CSMD1: variants seen among roughly 807,000 people sequenced by gnomAD.
CSMD1 encodes CUB and Sushi multiple domains 1, also known as CUB and sushi domain-containing protein 1.
A neutral mutation model predicts 417.5 loss-of-function variants in CSMD1; 213 were observed. That is an observed-to-expected ratio of 0.51 (90% CI 0.46 to 0.57). The LOEUF is 0.57. Ranked by LOEUF, CSMD1 falls within the 20% of genes least tolerant of loss-of-function variation. The pLI, the probability that CSMD1 is intolerant of heterozygous loss-of-function variation, is 0.00. For synonymous variants in CSMD1, 2,862 were observed against 1,736.8 expected (o/e 1.65, Z -16.11); for missense variants, 6,923 against 4,529.7 (o/e 1.53, Z -15.17).
At position 4,474,341 on chromosome 8, in the gene CSMD1, A is replaced by G. The variant is rs77072876; in HGVS notation, c.303-54276T>C. On this transcript the variant is annotated intron_variant, in intron 2 of 69. Transcript: ENST00000635120. ...AACATACCACTCAGACATTATAAGGAAGATTTTATGCTGGTGTTGTCTAAC... is the reference window on the plus strand; with the variant it reads ...AACATACCACTCAGACATTATAAGGGAGATTTTATGCTGGTGTTGTCTAAC... Among the ~76,000 whole-genome samples, 1,243 of 152,316 alleles carry G rather than the reference A, an allele frequency of 8.2e-3. 16 individuals carry two copies. Among genetic ancestry groups the G allele is most frequent in the African/African-American group, 0.028 (1,145 of 41,572 alleles).
intron 50 of CSMD1, 51 bp from the exon 51 acceptor site, chr8:3,029,564 C>G: frequency 2.0e-6 from 3 of 1,492,128 alleles, no homozygotes; most frequent in Non-Finnish European, 1.8e-6. Flanking sequence ...TGGAAAACAT[C>G]AGACCGTGCT....
intron 12 of CSMD1, among the ~76,000 whole-genome samples, chr8:3,419,614 C>T (rs377214823): frequency 1.0e-3 from 158 of 151,964 alleles, no homozygotes; most frequent in African/African-American, 3.7e-3. Flanking sequence ...GCTATAGATT[C>T]GTAACCCCTT....
intron 7 of CSMD1, among the ~76,000 whole-genome samples, chr8:3,692,625 G>C (rs900451516): frequency 1.3e-5 from 2 of 152,004 alleles, no homozygotes; most frequent in South Asian, 4.1e-4. Flanking sequence ...TAGAGGTGGG[G>C]TTTCACCATG....
intron 3 of CSMD1, among the ~76,000 whole-genome samples, chr8:4,321,250 T>G (rs1306809953): frequency 1.3e-5 from 2 of 152,148 alleles, no homozygotes; most frequent in African/African-American, 4.8e-5. Context: ...CTAGTCCCTG[T>G]GGCCCACTGA....
intron 2 of CSMD1, among the ~76,000 whole-genome samples, chr8:4,546,587 T>G (rs1797647744): frequency 1.3e-5 from 2 of 152,130 alleles, no homozygotes; most frequent in South Asian, 4.1e-4. Flanking sequence ...GGCCTTCAGA[T>G]TCAGGACAGG....
rs192174563 is a variant in CSMD1 at position 4,025,310 on chromosome 8, T to C, written c.610+6595A>G. Among the ~76,000 whole-genome samples, 4 of 152,338 alleles carry C rather than the reference T, an allele frequency of 2.6e-5. No individual in the cohort carries two copies. In the East Asian group the frequency reaches 5.8e-4, roughly 22 times the overall value. ...TCCAAAATCCACACAGTGGACCATC[T>C]TTCATGTTTTCCAGTCAGGAAGAAT... On this transcript the variant is annotated intron_variant, in intron 4 of 69. Transcript: ENST00000635120.
At chr8:3,837,273 A>G (rs10156289) in intron 5 of CSMD1, among the ~76,000 whole-genome samples, 55,835 of 151,648 alleles carry the variant, frequency 0.37, 10,949 homozygotes, top group African/African-American at 0.51. Context: ...TCATTTTATT[A>G]GATAGATGAA....
intron 7 of CSMD1, among the ~76,000 whole-genome samples, chr8:3,677,030 C>T (rs1461153837): frequency 9.2e-5 from 14 of 151,966 alleles, no homozygotes; most frequent in Non-Finnish European, 8.8e-5. Context: ...GGAGGGAGAG[C>T]ATTAGAACAA....
intron 4 of CSMD1, among the ~76,000 whole-genome samples, chr8:4,025,468 C>G (rs1457570993): frequency 6.6e-6 from 1 of 152,144 alleles, no homozygotes; most frequent in East Asian, 1.9e-4. Flanking sequence ...AAACATAAAG[C>G]AAATTAAGAA....
intron 3 of CSMD1, among the ~76,000 whole-genome samples, chr8:4,383,046 G>A (rs1055719998): frequency 1.3e-5 from 2 of 152,142 alleles, no homozygotes; most frequent in Non-Finnish European, 2.9e-5. Flanking sequence ...GTCTCTGTCA[G>A]CATTAGGATT....
At chr8:4,673,982 C>T (rs1639227358) in intron 1 of CSMD1, among the ~76,000 whole-genome samples, 2 of 152,080 alleles carry the variant, frequency 1.3e-5, no homozygotes, top group African/African-American at 4.8e-5. Context: ...TATTAAAAAC[C>T]ATCGAATTGT....
intron 3 of CSMD1, among the ~76,000 whole-genome samples, chr8:4,157,513 C>G (rs1447519804): frequency 6.6e-6 from 1 of 152,108 alleles, no homozygotes; most frequent in South Asian, 2.1e-4. Flanking sequence ...GCTCAAAGAA[C>G]TGGTTAAAGC....
At chr8:3,656,431 T>C (rs1004658518) in intron 7 of CSMD1, among the ~76,000 whole-genome samples, 8 of 152,220 alleles carry the variant, frequency 5.3e-5, no homozygotes, top group South Asian at 2.1e-4. Context: ...CAGCATTTCT[T>C]ATCTTTGTGA....
chr8:3,159,388 T>C (rs1162048137), intron 38 of CSMD1, among the ~76,000 whole-genome samples: 3 of 152,192 alleles, frequency 2.0e-5, no homozygotes, highest in African/African-American at 7.2e-5. Context: ...AAAAAGACCA[T>C]TAAAACAAGT....
At chr8:4,277,581 A>C (rs1340337624) in intron 3 of CSMD1, among the ~76,000 whole-genome samples, 1 of 152,160 alleles carries the variant, frequency 6.6e-6, no homozygotes, top group African/African-American at 2.4e-5. Flanking sequence ...GTCTATACTC[A>C]TGAAAACAGC....
chr8:3,333,642 A>C (rs1260665022), intron 23 of CSMD1, among the ~76,000 whole-genome samples: 5 of 152,226 alleles, frequency 3.3e-5, no homozygotes, highest in Non-Finnish European at 7.3e-5. Context: ...AAAATCTGTG[A>C]GTGTGGATTT....
chr8:4,004,062 T>C (rs986385285), intron 4 of CSMD1, among the ~76,000 whole-genome samples: 10 of 152,164 alleles, frequency 6.6e-5, no homozygotes, highest in Admixed American at 1.3e-4. Flanking sequence ...AAAAAGGGTA[T>C]AATGTCTGAT....
At chr8:3,516,645 TTG>T (rs1310399947) in intron 10 of CSMD1, among the ~76,000 whole-genome samples, 2 of 152,300 alleles carry the variant, frequency 1.3e-5, no homozygotes, top group South Asian at 2.1e-4. Flanking sequence ...ATTTTAATTA[TTG>T]TGTTTTTCTA....
At chr8:3,419,532 A>G (rs752599444) in intron 12 of CSMD1, among the ~76,000 whole-genome samples, 5 of 152,212 alleles carry the variant, frequency 3.3e-5, no homozygotes, top group Non-Finnish European at 7.3e-5. Flanking sequence ...GCCTGTCAGG[A>G]GGAGGATATT....
Sources: gnomAD v4.1 joint callset for allele counts (sites outside exome capture counted in the v4.1 genomes callset) on GRCh38, gnomAD v4.1.1 for gene constraint, MANE v1.5 for transcripts, NCBI Gene and HGNC (gene_info 2026-07-23, HGNC 2026-07-21) for gene names.